Variants in ANKHD1 observed in about 807,000 individuals in gnomAD.
The protein encoded by ANKHD1 is ankyrin repeat and KH domain-containing protein 1.
A neutral mutation model predicts 230.5 loss-of-function variants in ANKHD1; 31 were observed. The observed-to-expected ratio is 0.13, with a 90% CI of 0.10 to 0.18. The LOEUF (loss-of-function observed/expected upper bound fraction) is 0.18, where lower values mean the gene tolerates loss of function less well. Ranked by LOEUF, ANKHD1 falls within the 10% of genes least tolerant of loss-of-function variation. ANKHD1 has a pLI of 1.00. For synonymous variants in ANKHD1, 1,074 were observed against 1,117.6 expected, an observed-to-expected ratio of 0.96 and a Z score of 0.78; for missense variants, 2,256 against 3,071.3, an observed-to-expected ratio of 0.73 and a Z score of 6.27.
intron 7 of ANKHD1, among the ~76,000 whole-genome samples, chr5:140,453,211 T>C (rs1774889636): frequency 6.6e-6 from 1 of 152,156 alleles, no homozygotes; most frequent in African/African-American, 2.4e-5. Flanking sequence ...TATGGGACTA[T>C]GTGAAAAGAC....
Position 140,439,628 on chromosome 5 carries a change from C to T in ANKHD1, c.618-491C>T, listed in dbSNP as rs144159278. Among the ~76,000 whole-genome samples, 665 of 152,142 alleles carry T rather than the reference C, an allele frequency of 4.4e-3. 4 individuals are homozygous for T. The highest frequency in any genetic ancestry group is 0.015 in the African/African-American group (626 of 41,506). On this transcript the variant is annotated intron_variant, in intron 3 of 33. Transcript: ENST00000360839. The stretch of plus-strand genomic sequence containing the variant: ...GAGGTTGCAGTGAGCCAAGATTGTG[C>T]CACTGCATTCCAGCCTGGGCAACAG...
chr5:140,470,639 A>C (rs1219820977), intron 10 of ANKHD1, among the ~76,000 whole-genome samples: 1 of 119,478 alleles, frequency 8.4e-6, no homozygotes, highest in African/African-American at 2.8e-5. Flanking sequence ...TTTTTTCTTA[A>C]AAGGGACAGG....
chr5:140,513,228 C>T, intron 23 of ANKHD1, 135 bp from the exon 24 acceptor site: 1 of 865,730 alleles, frequency 1.2e-6, no homozygotes, highest in Non-Finnish European at 1.7e-6. Context: ...AAAGATTGGA[C>T]TCAAAGGATA....
intron 10 of ANKHD1, among the ~76,000 whole-genome samples, chr5:140,475,579 AAGG>A (rs1376570577): frequency 2.6e-5 from 4 of 152,186 alleles, no homozygotes; most frequent in Admixed American, 2.0e-4. Context: ...AACTAAAAAA[AAGG>A]GGGGAAAAAT....
intron 9 of ANKHD1, among the ~76,000 whole-genome samples, chr5:140,464,465 G>A (rs1775946791): frequency 6.6e-6 from 1 of 152,090 alleles, no homozygotes; most frequent in Admixed American, 6.6e-5. Context: ...AAATTACTGT[G>A]TTTTAAAATC....
chr5:140,421,230 T>C (rs577802002), intron 1 of ANKHD1, among the ~76,000 whole-genome samples: 1 of 152,250 alleles, frequency 6.6e-6, no homozygotes, highest in East Asian at 1.9e-4. Flanking sequence ...CAGAATTTCT[T>C]TTTCCAGGGC....
chr5:140,407,062 C>T (rs953688687), intron 1 of ANKHD1, among the ~76,000 whole-genome samples: 5 of 151,768 alleles, frequency 3.3e-5, no homozygotes, highest in African/African-American at 9.7e-5. Context: ...TTTGGGAGGC[C>T]GAGGTGGGTG....
Position 140,438,563 on chromosome 5 carries a change from C to A in ANKHD1, c.563C>A (p.Ala188Asp). 6.2e-7 allele frequency: 1 copy of A among 1,613,220 alleles called. No homozygotes were observed. The highest frequency in any genetic ancestry group is 1.1e-5 in the South Asian group (1 of 90,896). Residue 188 changes from alanine (A) to aspartate (D), a missense_variant, in exon 3 of 34, where the codon GCT becomes GAT. By Grantham distance (126) the Ala-to-Asp change is moderately radical. Around this residue, in one of 13 missense-constraint regions of ANKHD1, gnomAD observed 206 missense variants for 304.5 expected, o/e 0.68. Transcript: ENST00000360839. ...SVSCALDEAA[A>D]ALTRMKAENS... ...AGTTGTGCACTGGATGAAGCTGCTGCTGCACTGACACGGATGAAAGCAGAA... is the reference window on the plus strand; with the variant it reads ...AGTTGTGCACTGGATGAAGCTGCTGATGCACTGACACGGATGAAAGCAGAA...
intron 22 of ANKHD1, 142 bp from the exon 23 acceptor site, chr5:140,512,685 GC>G: frequency 1.7e-6 from 1 of 588,982 alleles, no homozygotes. Context: ...GGAAGTATTT[GC>G]CTTTTTATTC....
At chr5:140,530,001 TA>T in intron 29 of ANKHD1, among the ~76,000 whole-genome samples, 1 of 152,044 alleles carries the variant, frequency 6.6e-6, no homozygotes, top group South Asian at 2.1e-4. Flanking sequence ...CTATTCATAT[TA>T]ATAAAAAAAA....
intron 1 of ANKHD1, among the ~76,000 whole-genome samples, chr5:140,418,281 C>T (rs535556158): frequency 1.2e-4 from 18 of 151,804 alleles, no homozygotes; most frequent in African/African-American, 4.4e-4. Context: ...GTAGCTGGGA[C>T]TACAGATGTG....
At chr5:140,403,835 G>A (rs1770193257) in intron 1 of ANKHD1, among the ~76,000 whole-genome samples, 1 of 152,158 alleles carries the variant, frequency 6.6e-6, no homozygotes. Context: ...GAATTTCTCT[G>A]TGTGTACTAA....
chr5:140,452,535 G>A (rs770458234), intron 7 of ANKHD1, among the ~76,000 whole-genome samples: 44 of 152,112 alleles, frequency 2.9e-4, no homozygotes, highest in African/African-American at 4.1e-4. Context: ...CCAGAGGAAC[G>A]ATCAGGCAGG....
At position 140,504,849 on chromosome 5, in the gene ANKHD1, C is replaced by T; in HGVS notation, c.3033C>T (p.Ser1011=). Residue 1011 remains serine, a synonymous_variant, in exon 16 of 34, where the codon TCC becomes TCT. Coordinates refer to ENST00000360839, the MANE Select transcript of ANKHD1 (RefSeq NM_017747.3). ...TGAGTACCAGAGTGCCCACTGGTTC[C>T]AACAGTTCTTCTCAGACCACAGAGT... ...AAVSTRVPTG[S]NSSSQTTECL... 1 of 1,613,824 alleles carries T rather than the reference C, an allele frequency of 6.2e-7. No homozygotes were observed. Among genetic ancestry groups the T allele is most frequent in the East Asian group, 2.2e-5 (1 of 44,872 alleles).
Position 140,527,903 on chromosome 5 carries a change from G to A in ANKHD1, c.5118G>A (p.Val1706=). The part of the protein sequence containing the change: ...RSKKLSVPAS[V]VSRIMGRGGC... ...AGAAATTGTCTGTTCCAGCCTCAGT[G>A]GTGTCGAGGATAATGGGAAGAGGAG... Residue 1706 remains valine, a synonymous_variant, in exon 28 of 34, where the codon GTG becomes GTA. Coordinates refer to ENST00000360839, the MANE Select transcript of ANKHD1 (RefSeq NM_017747.3). This position sits in a 1 kb window ranked among gnomAD's most constrained non-coding sequence, Gnocchi z 4.5. The A allele has an allele frequency of 6.2e-7, 1 of 1,613,810 alleles. No homozygotes were observed. Among genetic ancestry groups the A allele is most frequent in the Non-Finnish European group, 8.5e-7 (1 of 1,179,882 alleles).
intron 14 of ANKHD1, among the ~76,000 whole-genome samples, chr5:140,488,617 A>G (rs890968275): frequency 6.7e-6 from 1 of 149,606 alleles, no homozygotes; most frequent in Non-Finnish European, 1.5e-5. Context: ...AAAAAAATAT[A>G]GGCCACGTGT....
chr5:140,451,838 T>G (rs1476454821), intron 7 of ANKHD1, among the ~76,000 whole-genome samples: 2 of 152,168 alleles, frequency 1.3e-5, no homozygotes, highest in Non-Finnish European at 2.9e-5. Context: ...CTACTAAACC[T>G]TATTTTTCTA....
At chr5:140,453,800 A>G (rs1305238376) in intron 7 of ANKHD1, among the ~76,000 whole-genome samples, 2 of 152,236 alleles carry the variant, frequency 1.3e-5, no homozygotes, top group South Asian at 2.1e-4. Context: ...AAGAAACTGC[A>G]TCAACTAACA....
chr5:140,528,692 C>G lies in ANKHD1; in HGVS notation c.5746C>G (p.Gln1916Glu). 1 of 1,614,178 alleles carries G rather than the reference C, an allele frequency of 6.2e-7. No homozygotes were observed. The highest frequency in any genetic ancestry group is 8.5e-7 in the Non-Finnish European group (1 of 1,180,040). The change falls in exon 29 of 34, where the codon CAG becomes GAG. Residue 1916 changes from glutamine (Q) to glutamate (E), a missense_variant. Physicochemically the swap from Gln to Glu is conservative, Grantham distance 29. Coordinates refer to ENST00000360839, the MANE Select transcript of ANKHD1 (RefSeq NM_017747.3). ...TAATAACACAAGCCGTCTACCTAAC[C>G]AGAACGGGACTGTTTTACCCTCAGA... ...KHNNTSRLPN[Q>E]NGTVLPSESA...
Sources: gnomAD v4.1 joint callset for allele counts (sites outside exome capture counted in the v4.1 genomes callset) on GRCh38, gnomAD v4.1.1 for gene constraint, gnomAD v4.1.1 regional missense constraint, Gnocchi (gnomAD v3.1) non-coding constraint, MANE v1.5 for transcripts, NCBI Gene and HGNC (gene_info 2026-07-23, HGNC 2026-07-21) for gene names.